Variants in PAX8 observed in about 807,000 individuals in gnomAD.
PAX8 encodes the protein paired box 8.
A neutral mutation model predicts 52.4 loss-of-function variants in PAX8; 15 were observed. The ratio of observed to expected loss-of-function variants is 0.29; its 90% CI spans 0.19 to 0.44. PAX8 has a LOEUF of 0.44. Among genes scored for constraint, PAX8 ranks in the 20% least tolerant of loss-of-function variants. PAX8 has a pLI of 1.00. For missense variants in PAX8, 554 were observed against 602.5 expected (o/e 0.92, Z 0.84); for synonymous variants, 284 against 249.7 (o/e 1.14, Z -1.29).
At chr2:113,278,315 C>T in intron 2 of PAX8, 55 bp downstream of exon 2, 2 of 1,362,806 alleles carry the variant, frequency 1.5e-6, no homozygotes, top group Non-Finnish European at 1.0e-6. Context: ...CGAGCGCACG[C>T]ACGGACGCTC....
intron 2 of PAX8, chr2:113,255,337 G>A (rs1221883599): frequency 5.4e-5 from 8 of 148,782 alleles, no homozygotes; most frequent in Non-Finnish European, 8.9e-5. Context: ...AGATCTACAA[G>A]TCTAGTGAAG....
At chr2:113,225,547 T>C (rs1417270274) in intron 10 of PAX8, 1 of 152,230 alleles carries the variant, frequency 6.6e-6, no homozygotes, top group Admixed American at 6.5e-5. Flanking sequence ...CCCTCCTTTG[T>C]GGATTTCACT....
rs1165898860 is a variant in PAX8 at position 113,216,865 on chromosome 2, A to C, written c.*1668T>G. ...CTTTTCATCTTGGACAAGACATCTC[A>C]TTTTTTTCAAAGCCTCAGTTTCCTC... is the stretch of plus-strand genomic sequence containing the variant. On this transcript the variant is annotated 3_prime_UTR_variant, in exon 12 of 12. Coordinates refer to ENST00000429538, the MANE Select transcript of PAX8 (RefSeq NM_003466.4). The C allele has an allele frequency of 4.4e-6, 1 of 226,870 alleles. No homozygotes were observed. Among genetic ancestry groups the C allele is most frequent in the Non-Finnish European group, 8.8e-6 (1 of 114,098 alleles). 14.1% of individuals were successfully genotyped at this position (226,870 alleles called of 1,614,324 possible).
intron 2 of PAX8, among the ~76,000 whole-genome samples, chr2:113,257,459 A>C (rs1692344702): frequency 6.6e-6 from 1 of 152,176 alleles, no homozygotes; most frequent in South Asian, 2.1e-4. Flanking sequence ...GGCAGATATA[A>C]GAGGGTCTTC....
At chr2:113,261,773 G>A (rs6758928) in intron 2 of PAX8, among the ~76,000 whole-genome samples, 25,455 of 151,976 alleles carry the variant, frequency 0.17, 2,315 homozygotes, top group African/African-American at 0.24. Flanking sequence ...AGAAAGTGAG[G>A]TTTGCGCAGA....
intron 10 of PAX8, 109 bp from the exon 11 acceptor site, chr2:113,220,287 G>C (rs554563292): frequency 4.4e-5 from 34 of 764,636 alleles, no homozygotes; most frequent in Middle Eastern, 3.4e-4. Context: ...GGAATGGTTG[G>C]GGAGACAGTT....
At chr2:113,229,347 C>T (rs966007823) in intron 9 of PAX8, among the ~76,000 whole-genome samples, 5 of 152,176 alleles carry the variant, frequency 3.3e-5, no homozygotes, top group African/African-American at 9.6e-5. Flanking sequence ...AATTCAGAGC[C>T]AGGGTTTCAT....
rs572068406 is a variant in PAX8 at position 113,217,831 on chromosome 2, G to A, written c.*702C>T. 200 of 233,250 alleles carry A rather than the reference G, an allele frequency of 8.6e-4. 2 individuals are homozygous for A. Among genetic ancestry groups the A allele is most frequent in the African/African-American group, 4.1e-3 (185 of 45,446 alleles). The allele number at this position is 233,250 out of a possible 1,614,324, so 14.4% of individuals were successfully genotyped here. ...TGACGGCAGCTGCCAAGGGGATGCC[G>A]CACTGCAGGAGGACCTGGGGTGGTG... On this transcript the variant is annotated 3_prime_UTR_variant, in exon 12 of 12. Transcript: ENST00000429538.
chr2:113,244,706 T>A, intron 3 of PAX8, 82 bp from the exon 4 acceptor site: 2 of 1,271,698 alleles, frequency 1.6e-6, no homozygotes, highest in South Asian at 1.2e-5. Flanking sequence ...GCCTCCCTCC[T>A]CTCTGAGGCT....
chr2:113,278,338 G>A (rs368616579), intron 2 of PAX8, 32 bp downstream of exon 2: 62 of 1,505,898 alleles, frequency 4.1e-5, no homozygotes, highest in African/African-American at 1.8e-4. Flanking sequence ...CGGCGCGGGG[G>A]CTCGGGGATC....
chr2:113,257,971 G>A (rs1573512282), intron 2 of PAX8, among the ~76,000 whole-genome samples: 1 of 152,308 alleles, frequency 6.6e-6, no homozygotes, highest in East Asian at 1.9e-4. Flanking sequence ...TGGCATTACT[G>A]AGACTCAAGC....
intron 2 of PAX8, among the ~76,000 whole-genome samples, chr2:113,252,117 A>G (rs149072670): frequency 6.2e-4 from 95 of 152,332 alleles, no homozygotes; most frequent in Non-Finnish European, 1.3e-3. Context: ...CAATGGCTCA[A>G]TGTGGTGTTC....
chr2:113,235,047 T>C (rs10193733), intron 9 of PAX8, among the ~76,000 whole-genome samples: 26,234 of 152,102 alleles, frequency 0.17, 2,444 homozygotes, highest in South Asian at 0.26. Context: ...CAAAAGCCAA[T>C]TCCTTTTTCC....
rs1266261535 is a variant in PAX8 at position 113,217,099 on chromosome 2, C to T, written c.*1434G>A. The T allele has an allele frequency of 4.4e-6, 1 of 229,532 alleles. No individual in the cohort carries two copies. Among genetic ancestry groups the T allele is most frequent in the Non-Finnish European group, 8.6e-6 (1 of 115,758 alleles). 14.2% of individuals were successfully genotyped at this position (229,532 alleles called of 1,614,324 possible). Reference sequence around the variant, plus strand: ...TTCCTGTTAATAACAACAGCAACTCCTTGTGGGGAGTCTATGGTTGGCTCA... The same window carrying T: ...TTCCTGTTAATAACAACAGCAACTCTTTGTGGGGAGTCTATGGTTGGCTCA... On this transcript the variant is annotated 3_prime_UTR_variant, in exon 12 of 12. Coordinates refer to ENST00000429538, the MANE Select transcript of PAX8 (RefSeq NM_003466.4).
intron 3 of PAX8, among the ~76,000 whole-genome samples, chr2:113,245,108 A>T (rs975029042): frequency 1.3e-5 from 2 of 150,202 alleles, no homozygotes; most frequent in Non-Finnish European, 3.0e-5. Flanking sequence ...ATGCAATGGG[A>T]CAAGCTTGGC....
intron 2 of PAX8, among the ~76,000 whole-genome samples, chr2:113,249,424 A>C (rs759271913): frequency 5.3e-5 from 8 of 152,012 alleles, no homozygotes; most frequent in Non-Finnish European, 1.0e-4. Context: ...ATTTTCCAGA[A>C]GTTTCCGGGC....
chr2:113,242,700 T>G lies in PAX8; in HGVS notation c.468A>C (p.Gly156=). 2 of 1,612,604 alleles carry G rather than the reference T, an allele frequency of 1.2e-6. No homozygotes were observed. Among genetic ancestry groups the G allele is most frequent in the Non-Finnish European group, 1.7e-6 (2 of 1,178,690 alleles). ...TCTCTCAGCACTCACTCAGCGTGTG[T>G]CCGGGACTCAGGGACTTGGTGGCCA... ...SCVATKSLSP[G]HTLIPSSAVT... Residue 156 remains glycine (G), a synonymous_variant, in exon 5 of 12, where the codon GGA becomes GGC. Coordinates refer to ENST00000429538, the MANE Select transcript of PAX8 (RefSeq NM_003466.4).
intron 7 of PAX8, 143 bp downstream of exon 7, chr2:113,241,408 C>G: frequency 1.3e-6 from 1 of 787,192 alleles, no homozygotes; most frequent in South Asian, 1.5e-5. Context: ...AAGCATGTGT[C>G]AGGCTTGGAG....
At chr2:113,254,886 G>C (rs1408111943) in intron 2 of PAX8, among the ~76,000 whole-genome samples, 1 of 152,156 alleles carries the variant, frequency 6.6e-6, no homozygotes, top group Non-Finnish European at 1.5e-5. Flanking sequence ...GGTTCAGGAA[G>C]CTCCCTCCTA....
Sources: allele counts gnomAD v4.1 joint callset (sites outside exome capture counted in the v4.1 genomes callset), GRCh38; gene constraint gnomAD v4.1.1; transcripts MANE v1.5; gene names NCBI Gene and HGNC (gene_info 2026-07-23, HGNC 2026-07-21).